The following ME1 variants were observed in gnomAD, a reference collection of about 807,000 sequenced individuals.
ME1 encodes malic enzyme 1.
A neutral mutation model predicts 66.4 loss-of-function variants in ME1; 74 were observed. The ratio of observed to expected loss-of-function variants is 1.11; its 90% CI spans 0.92 to 1.35. The LOEUF is 1.35. Ranked by LOEUF, ME1 falls within the 40% of genes most tolerant of loss-of-function variation. The pLI is 0.00. For missense variants in ME1, 750 were observed against 694.1 expected (o/e 1.08, Z -0.90); for synonymous variants, 251 against 235.6 (o/e 1.07, Z -0.60).
At chr6:83,270,998 T>A (rs1767072239) in intron 6 of ME1, among the ~76,000 whole-genome samples, 1 of 148,086 alleles carries the variant, frequency 6.8e-6, no homozygotes, top group African/African-American at 2.5e-5. Flanking sequence ...TCAAATGAAG[T>A]AAAGTTGTGG....
chr6:83,419,209 G>A (rs906124774), intron 1 of ME1, among the ~76,000 whole-genome samples: 2 of 152,108 alleles, frequency 1.3e-5, no homozygotes, highest in African/African-American at 4.8e-5. Context: ...TAGCCAACCC[G>A]CATGTTTATC....
intron 5 of ME1, among the ~76,000 whole-genome samples, chr6:83,331,704 C>T (rs1257207514): frequency 1.3e-5 from 2 of 151,672 alleles, no homozygotes; most frequent in Admixed American, 1.3e-4. Context: ...ACAGAAGAAA[C>T]CAACCCTACC....
At chr6:83,352,767 AAAT>A (rs1486897798) in intron 3 of ME1, among the ~76,000 whole-genome samples, 1 of 152,206 alleles carries the variant, frequency 6.6e-6, no homozygotes, top group African/African-American at 2.4e-5. Context: ...TCACAAATTA[AAAT>A]AATAGAATTT....
At chr6:83,233,911 AG>A (rs1790347238) in intron 9 of ME1, among the ~76,000 whole-genome samples, 1 of 152,056 alleles carries the variant, frequency 6.6e-6, no homozygotes, top group South Asian at 2.1e-4. Flanking sequence ...TGAAAGAAAA[AG>A]TGAAACTTAA....
chr6:83,377,818 T>C (rs1051764708), intron 3 of ME1, among the ~76,000 whole-genome samples: 1 of 150,412 alleles, frequency 6.6e-6, no homozygotes, highest in African/African-American at 2.4e-5. Flanking sequence ...ACTCAAATTA[T>C]GGTTTTAGTT....
chr6:83,354,266 A>G (rs1311047981), intron 3 of ME1, among the ~76,000 whole-genome samples: 1 of 152,162 alleles, frequency 6.6e-6, no homozygotes, highest in Non-Finnish European at 1.5e-5. Context: ...GGCTAGGATT[A>G]CAGGCGCCTG....
intron 3 of ME1, among the ~76,000 whole-genome samples, chr6:83,382,036 C>CT (rs554343313): frequency 1.1e-3 from 170 of 148,552 alleles, no homozygotes; most frequent in Non-Finnish European, 2.0e-3. Context: ...TTATTTTTTC[C>CT]TTTTTTTTTT....
At position 83,316,959 on chromosome 6, in the gene ME1, TA is replaced by T. The variant is rs369750867; in HGVS notation, c.601-1547del. ...GGGAATAACCTGCAAAAAATAAAAA[TA>T]AAAAAAAAAGACCAAAGTGACACCT... On this transcript the variant is annotated intron_variant, in intron 5 of 13. Coordinates refer to ENST00000369705, the MANE Select transcript of ME1 (RefSeq NM_002395.6). Among the ~76,000 whole-genome samples, 278 of 145,332 alleles carry T rather than the reference TA, an allele frequency of 1.9e-3. 3 individuals carry two copies. The East Asian group carries it at 0.028, about 15-fold the overall frequency.
chr6:83,302,406 T>A (rs1442670563), intron 6 of ME1, among the ~76,000 whole-genome samples: 1 of 152,026 alleles, frequency 6.6e-6, no homozygotes, highest in Non-Finnish European at 1.5e-5. Flanking sequence ...ACCCCCATCA[T>A]ACAAGGTCAC....
chr6:83,330,723 TA>T (rs1422587580), intron 5 of ME1, among the ~76,000 whole-genome samples: 2 of 152,154 alleles, frequency 1.3e-5, no homozygotes, highest in Non-Finnish European at 2.9e-5. Flanking sequence ...ATAGTGTGCA[TA>T]AAATCAAACT....
chr6:83,376,361 G>A (rs1231608397), intron 3 of ME1, among the ~76,000 whole-genome samples: 1 of 152,026 alleles, frequency 6.6e-6, no homozygotes, highest in Non-Finnish European at 1.5e-5. Context: ...TAGGTGTGGT[G>A]GCGCATGCCT....
Position 83,268,206 on chromosome 6 carries a change from T to C in ME1, c.705-14468A>G, listed in dbSNP as rs142555484. On this transcript the variant is annotated intron_variant, in intron 6 of 13. Transcript: ENST00000369705. ...CTTCTCAAAAATAAAAAAATTGATA[T>C]TTATATAGGACAAATCCTATAAAGA... Among the ~76,000 whole-genome samples the C allele has an allele frequency of 5.3e-3, 809 of 152,246 alleles. 18 individuals are homozygous for C. Among genetic ancestry groups the C allele is most frequent in the East Asian group, 0.016 (85 of 5,184 alleles).
At chr6:83,270,460 T>C (rs1767064062) in intron 6 of ME1, among the ~76,000 whole-genome samples, 1 of 152,094 alleles carries the variant, frequency 6.6e-6, no homozygotes, top group Admixed American at 6.5e-5. Context: ...TATTATACTT[T>C]CCTCTGACAA....
At chr6:83,262,129 T>A (rs1037187850) in intron 6 of ME1, among the ~76,000 whole-genome samples, 1 of 151,930 alleles carries the variant, frequency 6.6e-6, no homozygotes, top group African/African-American at 2.4e-5. Context: ...ATAACAATAA[T>A]GTGAAGCAAG....
chr6:83,397,903 T>C (rs1230921636), intron 3 of ME1, among the ~76,000 whole-genome samples: 1 of 152,150 alleles, frequency 6.6e-6, no homozygotes, highest in Middle Eastern at 3.2e-3. Context: ...CACATGATCT[T>C]ACATGTGGAA....
chr6:83,380,498 A>T (rs568826163), intron 3 of ME1, among the ~76,000 whole-genome samples: 16 of 152,096 alleles, frequency 1.1e-4, no homozygotes, highest in Admixed American at 9.8e-4. Flanking sequence ...AACCTAGCTA[A>T]AAAAAAGTGG....
intron 5 of ME1, among the ~76,000 whole-genome samples, chr6:83,324,880 T>A (rs1768257534): frequency 6.6e-6 from 1 of 152,130 alleles, no homozygotes; most frequent in Non-Finnish European, 1.5e-5. Context: ...ATCAGCATCA[T>A]CCTGATACCA....
At chr6:83,364,298 T>C (rs1203194182) in intron 3 of ME1, among the ~76,000 whole-genome samples, 1 of 152,156 alleles carries the variant, frequency 6.6e-6, no homozygotes, top group Non-Finnish European at 1.5e-5. Context: ...GTTCTTCAGC[T>C]TTGGAACTCA....
intron 6 of ME1, among the ~76,000 whole-genome samples, chr6:83,254,207 G>A (rs1184236859): frequency 6.6e-6 from 1 of 152,084 alleles, no homozygotes; most frequent in East Asian, 1.9e-4. Context: ...TAACTGAGCT[G>A]AAAGATAAAA....
Sources: gnomAD v4.1 joint callset for allele counts (sites outside exome capture counted in the v4.1 genomes callset) on GRCh38, gnomAD v4.1.1 for gene constraint, MANE v1.5 for transcripts, NCBI Gene and HGNC (gene_info 2026-07-23, HGNC 2026-07-21) for gene names.